The following CELF4 variants were observed in gnomAD, a reference collection of about 807,000 sequenced individuals.
CELF4 encodes CUGBP Elav-like family member 4.
A neutral mutation model predicts 59.9 loss-of-function variants in CELF4; 18 were observed. The ratio of observed to expected loss-of-function variants is 0.30; its 90% CI spans 0.21 to 0.45. CELF4 has a LOEUF of 0.45. Ranked by LOEUF, CELF4 falls within the 20% of genes least tolerant of loss-of-function variation. CELF4 has a pLI of 1.00. For synonymous variants in CELF4, 261 were observed against 267.1 expected, an observed-to-expected ratio of 0.98 and a Z score of 0.22; for missense variants, 456 against 689.0, an observed-to-expected ratio of 0.66 and a Z score of 3.79.
intron 1 of CELF4, among the ~76,000 whole-genome samples, chr18:37,519,901 A>T (rs909978380): frequency 1.3e-5 from 2 of 152,178 alleles, no homozygotes; most frequent in Admixed American, 1.3e-4. Context: ...AAGGGACTGG[A>T]ATGACAGAGG....
In CELF4 at chr18:37,439,801, A is replaced by G. The variant is rs1296565481; in HGVS notation, c.369+45724T>C. ...ATATCATCTCTGGCTTAGGGTGGGC[A>G]GGGGCTAGTGTATGCCTGTCTTGCA... is the stretch of plus-strand genomic sequence containing the variant. On this transcript the variant is annotated intron_variant, in intron 2 of 12. Transcript: ENST00000420428. Among the ~76,000 whole-genome samples the G allele has an allele frequency of 3.3e-5, 5 of 152,196 alleles. No homozygotes were observed. The East Asian group carries it at 9.6e-4, about 29-fold the overall frequency.
chr18:37,345,331 G>A (rs1034115494), intron 2 of CELF4, among the ~76,000 whole-genome samples: 1 of 152,210 alleles, frequency 6.6e-6, no homozygotes, highest in African/African-American at 2.4e-5. Context: ...TAAGGTGGAG[G>A]AGTGGGAGAG....
rs138039245 is a variant in CELF4 at position 37,462,607 on chromosome 18, G to A, written c.369+22918C>T. 4.6e-5 allele frequency among the ~76,000 whole-genome samples: 7 copies of A among 152,294 alleles called. No individual in the cohort carries two copies. In the East Asian group the frequency reaches 1.3e-3, roughly 29 times the overall value. On this transcript the variant is annotated intron_variant, in intron 2 of 12. Transcript: ENST00000420428. Reference sequence around the variant, plus strand: ...GTGCTGACATCTACTCTTCTATGTTGAAGTGAGAGCTGGGGCCCTCATGTT... The same window carrying A: ...GTGCTGACATCTACTCTTCTATGTTAAAGTGAGAGCTGGGGCCCTCATGTT...
intron 2 of CELF4, among the ~76,000 whole-genome samples, chr18:37,393,146 G>T (rs142977165): frequency 0.012 from 1,870 of 152,188 alleles, 25 homozygotes; most frequent in Middle Eastern, 0.048. Flanking sequence ...GGATTGCAGG[G>T]ACAGGGTACA....
intron 11 of CELF4, among the ~76,000 whole-genome samples, chr18:37,255,874 A>G (rs1015400225): frequency 6.6e-6 from 1 of 152,204 alleles, no homozygotes; most frequent in Non-Finnish European, 1.5e-5. Context: ...GCACAGGCGT[A>G]GCGGCAGGCA....
chr18:37,426,594 G>A (rs551902680), intron 2 of CELF4, among the ~76,000 whole-genome samples: 110 of 152,318 alleles, frequency 7.2e-4, no homozygotes, highest in Non-Finnish European at 1.3e-3. Flanking sequence ...TAAGTGGGGT[G>A]GGCGCAGGCG....
chr18:37,421,434 T>C lies in CELF4; in HGVS notation c.369+64091A>G, dbSNP rs930901004. Among the ~76,000 whole-genome samples the C allele has an allele frequency of 3.3e-5, 5 of 152,244 alleles. 1 individual carries two copies. The South Asian group carries it at 6.2e-4, about 19-fold the overall frequency. On this transcript the variant is annotated intron_variant, in intron 2 of 12. Transcript: ENST00000420428. ...ACACCCTGGGCTCCGCACAGCTTTC[T>C]TCTTTAGCTGTGGTAGGCCAGCTGA...
At chr18:37,449,586 G>C (rs1474015783) in intron 2 of CELF4, among the ~76,000 whole-genome samples, 3 of 152,160 alleles carry the variant, frequency 2.0e-5, no homozygotes, top group African/African-American at 7.2e-5. Context: ...AGTGGAGGGG[G>C]ACCAACAATG....
At chr18:37,258,377 T>C (rs1470599763) in intron 11 of CELF4, among the ~76,000 whole-genome samples, 6 of 151,440 alleles carry the variant, frequency 4.0e-5, no homozygotes. Flanking sequence ...CCTCATCCAA[T>C]TCTCCCCACG....
intron 2 of CELF4, among the ~76,000 whole-genome samples, chr18:37,375,095 G>A (rs1034928143): frequency 2.1e-4 from 32 of 152,178 alleles, no homozygotes; most frequent in African/African-American, 6.8e-4. Context: ...GCTGGCCTAG[G>A]CAGGGGAAGC....
chr18:37,430,913 G>T (rs2099645933), intron 2 of CELF4, among the ~76,000 whole-genome samples: 1 of 152,218 alleles, frequency 6.6e-6, no homozygotes, highest in Non-Finnish European at 1.5e-5. Flanking sequence ...ATAGCTGTAG[G>T]TGTCTCTGGG....
At chr18:37,440,235 G>A (rs996731987) in intron 2 of CELF4, among the ~76,000 whole-genome samples, 1 of 152,212 alleles carries the variant, frequency 6.6e-6, no homozygotes. Context: ...GGGCCTCGGT[G>A]AGGGGGAACG....
At chr18:37,336,030 G>A (rs991807480) in intron 2 of CELF4, among the ~76,000 whole-genome samples, 5 of 152,162 alleles carry the variant, frequency 3.3e-5, no homozygotes, top group Non-Finnish European at 7.3e-5. Flanking sequence ...TGATGGTCCT[G>A]CATTCAGCCT....
chr18:37,554,422 C>T (rs541139780), intron 1 of CELF4, among the ~76,000 whole-genome samples: 1 of 152,254 alleles, frequency 6.6e-6, no homozygotes, highest in Non-Finnish European at 1.5e-5. Flanking sequence ...TCAACTGGGG[C>T]CTGAGCTGTT....
chr18:37,316,452 T>G (rs2096873119), intron 3 of CELF4, among the ~76,000 whole-genome samples: 2 of 152,098 alleles, frequency 1.3e-5, no homozygotes, highest in Admixed American at 1.3e-4. Flanking sequence ...CCCCAGATCC[T>G]GGTGGTGGTA....
chr18:37,284,558 A>G (rs1448148917), intron 3 of CELF4, among the ~76,000 whole-genome samples: 1 of 152,038 alleles, frequency 6.6e-6, no homozygotes, highest in Non-Finnish European at 1.5e-5. Context: ...GCCCTACATG[A>G]CAAGAGCCTG....
intron 2 of CELF4, among the ~76,000 whole-genome samples, chr18:37,406,989 G>T (rs950379718): frequency 1.3e-5 from 2 of 152,146 alleles, no homozygotes; most frequent in Non-Finnish European, 2.9e-5. Flanking sequence ...CCAAGCAAAG[G>T]TGGAAGGTCA....
rs117868263 is a variant in CELF4 at position 37,344,179 on chromosome 18, T to A, written c.370-22298A>T. ...AGAGGTTGAGTTCTGCAGGGTAGGA[T>A]GGGGCTGGGCATCCACAGTAACACC... is the stretch of plus-strand genomic sequence containing the variant. On this transcript the variant is annotated intron_variant, in intron 2 of 12. Transcript: ENST00000420428. Among the ~76,000 whole-genome samples the A allele has an allele frequency of 3.8e-4, 58 of 152,288 alleles. 1 individual carries two copies. In the East Asian group the frequency reaches 0.01, roughly 27 times the overall value.
chr18:37,522,517 G>C (rs181706394), intron 1 of CELF4, among the ~76,000 whole-genome samples: 8 of 151,936 alleles, frequency 5.3e-5, no homozygotes, highest in African/African-American at 9.7e-5. Context: ...GTGTGTGAGC[G>C]CGCACACACA....
Sources: gnomAD v4.1 joint callset for allele counts (sites outside exome capture counted in the v4.1 genomes callset) on GRCh38, gnomAD v4.1.1 for gene constraint, MANE v1.5 for transcripts, NCBI Gene and HGNC (gene_info 2026-07-23, HGNC 2026-07-21) for gene names.